The following ENOX1 variants were observed in gnomAD, a reference collection of about 807,000 sequenced individuals.
ENOX1 encodes the protein ecto-NOX disulfide-thiol exchanger 1.
ENOX1 carries 42 observed loss-of-function variants against 82.5 expected under a neutral mutation model. The observed-to-expected ratio is 0.51, with a 90% confidence interval of 0.40 to 0.66. The LOEUF (loss-of-function observed/expected upper bound fraction) is 0.66, where lower values mean the gene tolerates loss of function less well. ENOX1 is among the 30% of genes least tolerant of loss of function. The pLI, the probability that ENOX1 is intolerant of heterozygous loss-of-function variation, is 0.00. For synonymous variants in ENOX1, 271 were observed against 282.2 expected (o/e 0.96, Z 0.40); for missense variants, 608 against 811.6 (o/e 0.75, Z 3.05).
intron 15 of ENOX1, among the ~76,000 whole-genome samples, chr13:43,233,362 C>A (rs539530901): frequency 3.0e-4 from 45 of 152,236 alleles, no homozygotes; most frequent in African/African-American, 1.0e-3. Flanking sequence ...TCAGAATGGT[C>A]GAACTCTAAT....
At chr13:43,632,178 A>G (rs1367896288) in intron 2 of ENOX1, among the ~76,000 whole-genome samples, 2 of 152,106 alleles carry the variant, frequency 1.3e-5, no homozygotes, top group Non-Finnish European at 2.9e-5. Context: ...TATGTCTGTC[A>G]TATTTGTTTA....
intron 2 of ENOX1, among the ~76,000 whole-genome samples, chr13:43,492,279 C>T (rs988677117): frequency 7.9e-5 from 12 of 152,170 alleles, no homozygotes; most frequent in African/African-American, 2.9e-4. Flanking sequence ...GTAGATGTTG[C>T]TCTAGTTGAG....
rs1013614223 is a variant in ENOX1 at position 43,284,223 on chromosome 13, T to C, written c.1446+14123A>G. ...GGCCTTTACAAAAACTTCCTGAAAG[T>C]GAAGTTAAGTGGCACTGAAGATAAG... is the stretch of plus-strand genomic sequence containing the variant. On this transcript the variant is annotated intron_variant, in intron 12 of 16. Coordinates refer to ENST00000690772, the MANE Select transcript of ENOX1 (RefSeq NM_001347969.2). Among the ~76,000 whole-genome samples the C allele has an allele frequency of 5.3e-5, 8 of 152,170 alleles. 1 individual carries two copies. Among genetic ancestry groups the C allele is most frequent in the East Asian group, 1.9e-4 (1 of 5,188 alleles).
chr13:43,482,837 C>T (rs1267705218), intron 3 of ENOX1, among the ~76,000 whole-genome samples: 2 of 152,036 alleles, frequency 1.3e-5, no homozygotes, highest in Non-Finnish European at 2.9e-5. Context: ...TATTAGGTTC[C>T]AGCACACTGT....
At chr13:43,394,915 G>T (rs1228377936) in intron 5 of ENOX1, 1 of 151,576 alleles carries the variant, frequency 6.6e-6, no homozygotes. Context: ...TTAGCAGAAA[G>T]ATTAGCAGAT....
chr13:43,456,984 C>T (rs78882902), intron 3 of ENOX1, among the ~76,000 whole-genome samples: 2 of 152,064 alleles, frequency 1.3e-5, no homozygotes, highest in Non-Finnish European at 1.5e-5. Flanking sequence ...AGCCTCTCCT[C>T]TGTTCTCTCA....
chr13:43,715,541 G>A (rs1298900627), intron 1 of ENOX1, among the ~76,000 whole-genome samples: 1 of 152,020 alleles, frequency 6.6e-6, no homozygotes, highest in African/African-American at 2.4e-5. Flanking sequence ...AAGTTCTCCT[G>A]GATAATATCC....
intron 3 of ENOX1, among the ~76,000 whole-genome samples, chr13:43,432,018 C>G (rs1181272814): frequency 6.6e-6 from 1 of 152,144 alleles, no homozygotes; most frequent in Non-Finnish European, 1.5e-5. Context: ...CATCCTACGC[C>G]TGTTTATTCC....
intron 2 of ENOX1, among the ~76,000 whole-genome samples, chr13:43,584,442 G>T (rs2080886008): frequency 6.6e-6 from 1 of 152,296 alleles, no homozygotes; most frequent in East Asian, 1.9e-4. Flanking sequence ...TTTGTTATGC[G>T]TGGCAGGGTG....
intron 14 of ENOX1, among the ~76,000 whole-genome samples, chr13:43,244,950 T>C (rs1312745754): frequency 1.3e-5 from 2 of 152,230 alleles, no homozygotes; most frequent in Non-Finnish European, 2.9e-5. Flanking sequence ...ATCAGCTACA[T>C]TCTTATCCTT....
chr13:43,271,374 T>C (rs1216723163), intron 12 of ENOX1, among the ~76,000 whole-genome samples: 1 of 151,892 alleles, frequency 6.6e-6, no homozygotes, highest in Non-Finnish European at 1.5e-5. Flanking sequence ...TACATTCAGG[T>C]TACAAAATGT....
intron 2 of ENOX1, chr13:43,609,881 A>G: frequency 3.1e-6 from 3 of 974,896 alleles, no homozygotes; most frequent in Non-Finnish European, 3.7e-6. Context: ...CTAGGGACTT[A>G]CTTCATTCAT....
chr13:43,781,666 AC>A (rs1952271556), intron 1 of ENOX1, among the ~76,000 whole-genome samples: 1 of 152,130 alleles, frequency 6.6e-6, no homozygotes, highest in South Asian at 2.1e-4. Flanking sequence ...GGCATGCACC[AC>A]CATCCCGGCT....
rs138593934 is a variant in ENOX1 at position 43,235,883 on chromosome 13, G to T, written c.1714+753C>A. On this transcript the variant is annotated intron_variant, in intron 15 of 16. Coordinates refer to ENST00000690772, the MANE Select transcript of ENOX1 (RefSeq NM_001347969.2). ...TCTCACCTGGCAACCCCACACTGGGGTCAGTGCCAAGGTGCAGCTTGAATC... is the reference window on the plus strand; with the variant it reads ...TCTCACCTGGCAACCCCACACTGGGTTCAGTGCCAAGGTGCAGCTTGAATC... 9.1e-3 allele frequency among the ~76,000 whole-genome samples: 1,382 copies of T among 152,296 alleles called. 12 individuals carry two copies. Among genetic ancestry groups the T allele is most frequent in the Non-Finnish European group, 0.017 (1,131 of 68,032 alleles).
intron 1 of ENOX1, among the ~76,000 whole-genome samples, chr13:43,708,775 C>A (rs1040465686): frequency 1.3e-4 from 19 of 152,000 alleles, no homozygotes; most frequent in African/African-American, 4.4e-4. Context: ...CATATAAAAA[C>A]TAAAAATATA....
intron 3 of ENOX1, among the ~76,000 whole-genome samples, chr13:43,422,505 C>T (rs75919617): frequency 0.05 from 7,562 of 152,268 alleles, 202 homozygotes; most frequent in South Asian, 0.09. Context: ...CACTTTTCTA[C>T]TTTGTATAGC....
intron 16 of ENOX1, among the ~76,000 whole-genome samples, chr13:43,222,835 C>A (rs963421141): frequency 6.6e-6 from 1 of 152,164 alleles, no homozygotes; most frequent in East Asian, 1.9e-4. Context: ...CTGAGTTTAA[C>A]ATGAATGCTT....
intron 2 of ENOX1, among the ~76,000 whole-genome samples, chr13:43,516,049 T>C (rs187008065): frequency 3.7e-4 from 57 of 152,304 alleles, no homozygotes; most frequent in African/African-American, 1.2e-3. Context: ...AGGGTAGATA[T>C]TGAGCCTTAT....
intron 5 of ENOX1, among the ~76,000 whole-genome samples, chr13:43,406,302 T>C (rs1466553732): frequency 6.6e-6 from 1 of 152,074 alleles, no homozygotes; most frequent in Non-Finnish European, 1.5e-5. Context: ...TAAGTTCTTC[T>C]CAGAATGGCA....
Sources: allele counts gnomAD v4.1 joint callset (sites outside exome capture counted in the v4.1 genomes callset), GRCh38; gene constraint gnomAD v4.1.1; transcripts MANE v1.5; gene names NCBI Gene and HGNC (gene_info 2026-07-23, HGNC 2026-07-21).